The following CLIC4 variants were observed in gnomAD, a reference collection of about 807,000 sequenced individuals.
CLIC4 encodes chloride intracellular channel protein 4.
In CLIC4, 13 loss-of-function variants were observed where a neutral mutation model predicts 24.6. That is an observed-to-expected ratio of 0.53 (90% CI 0.34 to 0.84). CLIC4 has a LOEUF of 0.84. CLIC4 is among the 40% of genes least tolerant of loss of function. The pLI is 0.01. For missense variants in CLIC4, 227 were observed against 301.7 expected, an observed-to-expected ratio of 0.75 and a Z score of 1.83; for synonymous variants, 104 against 111.3, an observed-to-expected ratio of 0.93 and a Z score of 0.41.
At chr1:24,812,173 A>C (rs970337282) in intron 2 of CLIC4, among the ~76,000 whole-genome samples, 2 of 152,124 alleles carry the variant, frequency 1.3e-5, no homozygotes, top group Non-Finnish European at 2.9e-5. Context: ...CTTTGGAATG[A>C]ATTTGGACAA....
At chr1:24,777,103 G>C (rs1038415721) in intron 1 of CLIC4, among the ~76,000 whole-genome samples, 1 of 152,076 alleles carries the variant, frequency 6.6e-6, no homozygotes, top group African/African-American at 2.4e-5. Context: ...TGTGTGGATG[G>C]GTGCATGCGT....
Position 24,783,895 on chromosome 1 carries a change from A to G in CLIC4, c.73-13847A>G, listed in dbSNP as rs576319761. Among the ~76,000 whole-genome samples the G allele has an allele frequency of 3.5e-4, 54 of 152,180 alleles. 1 individual carries two copies. The highest frequency in any genetic ancestry group is 1.2e-3 in the African/African-American group (51 of 41,524). On this transcript the variant is annotated intron_variant, in intron 1 of 5. Transcript: ENST00000374379. ...AATAGACTGTTATTTACCAAATTTG[A>G]CCCTAACAAACAGTGACCAGTTACT...
At chr1:24,819,361 A>G (rs1639702917) in intron 3 of CLIC4, among the ~76,000 whole-genome samples, 1 of 152,072 alleles carries the variant, frequency 6.6e-6, no homozygotes, top group African/African-American at 2.4e-5. Flanking sequence ...AAGCTAGGAT[A>G]TTTGTGAATA....
intron 1 of CLIC4, among the ~76,000 whole-genome samples, chr1:24,748,418 C>T (rs1638732411): frequency 6.8e-6 from 1 of 147,252 alleles, no homozygotes; most frequent in African/African-American, 2.5e-5. Flanking sequence ...TTGTTTGTCT[C>T]ATTTGTGAAA....
chr1:24,796,423 G>A (rs924243705), intron 1 of CLIC4, among the ~76,000 whole-genome samples: 1 of 152,126 alleles, frequency 6.6e-6, no homozygotes, highest in Non-Finnish European at 1.5e-5. Context: ...TCCTGACCTC[G>A]TGATCTGCCC....
intron 1 of CLIC4, among the ~76,000 whole-genome samples, chr1:24,773,020 A>G (rs1639090794): frequency 6.6e-6 from 1 of 152,160 alleles, no homozygotes; most frequent in Non-Finnish European, 1.5e-5. Flanking sequence ...ATTGTGATAT[A>G]TATCCTTACA....
At chr1:24,817,952 A>C (rs1639687621) in intron 3 of CLIC4, among the ~76,000 whole-genome samples, 2 of 152,182 alleles carry the variant, frequency 1.3e-5, no homozygotes, top group South Asian at 4.1e-4. Flanking sequence ...TATGATATTA[A>C]TCAGTTAAGT....
At chr1:24,753,206 A>T (rs746947539) in intron 1 of CLIC4, among the ~76,000 whole-genome samples, 2 of 152,182 alleles carry the variant, frequency 1.3e-5, no homozygotes, top group Non-Finnish European at 2.9e-5. Flanking sequence ...TACTTTATAT[A>T]AGCAAGGTAT....
chr1:24,815,906 T>C, intron 3 of CLIC4, among the ~76,000 whole-genome samples: 1 of 152,220 alleles, frequency 6.6e-6, no homozygotes, highest in Non-Finnish European at 1.5e-5. Flanking sequence ...GTCGATGTAA[T>C]ATTCTAAATT....
At chr1:24,835,388 C>A (rs1011611337) in intron 4 of CLIC4, among the ~76,000 whole-genome samples, 5 of 152,034 alleles carry the variant, frequency 3.3e-5, no homozygotes, top group African/African-American at 1.2e-4. Context: ...CATGGCATAA[C>A]CCCATCTCTA....
At chr1:24,758,323 T>C (rs79106172) in intron 1 of CLIC4, among the ~76,000 whole-genome samples, 2 of 151,760 alleles carry the variant, frequency 1.3e-5, no homozygotes, top group Non-Finnish European at 2.9e-5. Flanking sequence ...TTTTTTTTTT[T>C]CCTCGTTCTT....
At chr1:24,751,685 G>A (rs879619272) in intron 1 of CLIC4, among the ~76,000 whole-genome samples, 2 of 151,884 alleles carry the variant, frequency 1.3e-5, no homozygotes, top group Admixed American at 6.6e-5. Flanking sequence ...CCAACATGGC[G>A]AAACCCCGTC....
chr1:24,764,010 C>A (rs1638961999), intron 1 of CLIC4, among the ~76,000 whole-genome samples: 1 of 152,166 alleles, frequency 6.6e-6, no homozygotes, highest in Non-Finnish European at 1.5e-5. Flanking sequence ...TGAGTAAATG[C>A]ACTTAAGTAT....
intron 3 of CLIC4, among the ~76,000 whole-genome samples, chr1:24,815,629 T>G (rs1639660597): frequency 6.6e-6 from 1 of 152,224 alleles, no homozygotes. Context: ...GATTGCTGGT[T>G]GGGGTGGCTG....
Position 24,843,895 on chromosome 1 carries a change from G to T in CLIC4, c.*2958G>T, listed in dbSNP as rs1275312226. 4 of 152,552 alleles carry T rather than the reference G, an allele frequency of 2.6e-5. No homozygotes were observed. Among genetic ancestry groups the T allele is most frequent in the African/African-American group, 4.8e-5 (2 of 41,428 alleles). The allele number at this position is 152,552 out of a possible 1,614,324, so 9.4% of individuals were successfully genotyped here. On this transcript the variant is annotated 3_prime_UTR_variant, in exon 6 of 6. Transcript: ENST00000374379. ...GTAAAAATGTAGAGGAAATAGAAAT[G>T]TATTTTTTCATGAACATTTTGATAC...
At chr1:24,799,597 G>A (rs1487090940) in intron 2 of CLIC4, among the ~76,000 whole-genome samples, 1 of 147,892 alleles carries the variant, frequency 6.8e-6, no homozygotes, top group African/African-American at 2.6e-5. Flanking sequence ...GGGGAGGGAG[G>A]TGGGGGGGTC....
chr1:24,820,267 C>CTTTTTTTTGTTT (rs1639716131), intron 3 of CLIC4, among the ~76,000 whole-genome samples: 1 of 49,762 alleles, frequency 2.0e-5, no homozygotes, highest in African/African-American at 9.0e-5. Flanking sequence ...CCTTTTTGGT[C>CTTTTTTTTGTTT]TTTTTTTTTT....
intron 1 of CLIC4, among the ~76,000 whole-genome samples, chr1:24,776,804 C>T (rs1557799904): frequency 3.3e-5 from 1 of 30,302 alleles, no homozygotes; most frequent in Non-Finnish European, 1.7e-4. Context: ...CCCAGCTACT[C>T]GGGAGGCTGA....
chr1:24,810,189 A>G (rs893863859), intron 2 of CLIC4, among the ~76,000 whole-genome samples: 14 of 152,248 alleles, frequency 9.2e-5, no homozygotes, highest in African/African-American at 3.1e-4. Context: ...AGTTCCTAGT[A>G]TACAATTTGG....
Sources: gnomAD v4.1 joint callset for allele counts (sites outside exome capture counted in the v4.1 genomes callset) on GRCh38, gnomAD v4.1.1 for gene constraint, MANE v1.5 for transcripts, NCBI Gene and HGNC (gene_info 2026-07-23, HGNC 2026-07-21) for gene names.